Variants in CYP2U1 observed in about 807,000 individuals in gnomAD.
CYP2U1 encodes the protein cytochrome P450 2U1.
A neutral mutation model predicts 42.8 loss-of-function variants in CYP2U1; 28 were observed. That is an observed-to-expected ratio of 0.65 (90% CI 0.48 to 0.90). The LOEUF (loss-of-function observed/expected upper bound fraction) is 0.90, where lower values mean the gene tolerates loss of function less well. Ranked by LOEUF, CYP2U1 falls within the 40% of genes least tolerant of loss-of-function variation. CYP2U1 has a pLI of 0.00. For missense variants in CYP2U1, 642 were observed against 693.8 expected (o/e 0.93, Z 0.84); for synonymous variants, 296 against 278.9 (o/e 1.06, Z -0.61).
At chr4:107,938,378 C>T (rs1187394362) in intron 1 of CYP2U1, 1 of 152,222 alleles carries the variant, frequency 6.6e-6, no homozygotes, top group Non-Finnish European at 1.5e-5. Context: ...AAGTTGGTAT[C>T]ACCGCAGGAC....
chr4:107,937,896 A>C (rs1733333395), intron 1 of CYP2U1: 1 of 152,246 alleles, frequency 6.6e-6, no homozygotes, highest in Admixed American at 6.5e-5. Flanking sequence ...TTAAAGTATT[A>C]TGAGCATATT....
chr4:107,938,185 AG>A (rs1733347688), intron 1 of CYP2U1: 1 of 152,196 alleles, frequency 6.6e-6, no homozygotes. Context: ...AAGTAAGTTG[AG>A]GGACATACTG....
chr4:107,947,634 C>A, intron 3 of CYP2U1, 97 bp downstream of exon 3: 2 of 1,196,082 alleles, frequency 1.7e-6, no homozygotes, highest in Non-Finnish European at 2.4e-6. Flanking sequence ...TGTTGTCTAG[C>A]TTGATCCTTC....
At chr4:107,936,790 C>G (rs936424587) in intron 1 of CYP2U1, among the ~76,000 whole-genome samples, 1 of 152,128 alleles carries the variant, frequency 6.6e-6, no homozygotes, top group African/African-American at 2.4e-5. Flanking sequence ...TAACACATAG[C>G]TTTATTTGGT....
At chr4:107,936,954 T>A (rs1184261115) in intron 1 of CYP2U1, among the ~76,000 whole-genome samples, 1 of 152,212 alleles carries the variant, frequency 6.6e-6, no homozygotes, top group East Asian at 1.9e-4. Flanking sequence ...AAAAATTAGG[T>A]AAATTTTGCA....
Position 107,944,201 on chromosome 4 carries a change from T to C in CYP2U1, c.491-769T>C, listed in dbSNP as rs146070685. Among the ~76,000 whole-genome samples the C allele has an allele frequency of 4.1e-3, 630 of 152,336 alleles. 4 individuals carry two copies. The highest frequency in any genetic ancestry group is 0.014 in the African/African-American group (587 of 41,582). On this transcript the variant is annotated intron_variant, in intron 1 of 4. Coordinates refer to ENST00000332884, the MANE Select transcript of CYP2U1 (RefSeq NM_183075.3). ...GGTGAGCACAATGAGATATGGTCTG[T>C]GCCCTCATGTCAATCTGTTGCTATA... is the stretch of plus-strand genomic sequence containing the variant.
intron 1 of CYP2U1, 118 bp from the exon 2 acceptor site, chr4:107,944,852 T>TATATACA (rs536313224): frequency 4.0e-5 from 4 of 101,140 alleles, no homozygotes; most frequent in Non-Finnish European, 6.5e-5. Flanking sequence ...ATATATATAT[T>TATATACA]TATATGAGGA....
chr4:107,953,282 T>A lies in CYP2U1; in HGVS notation c.*2859T>A, dbSNP rs2126205337. ...GGCACTTTAAAAACATCTTTATATA[T>A]AAATTGCTAAAAGGACTGTTAATGC... On this transcript the variant is annotated 3_prime_UTR_variant, in exon 5 of 5. Coordinates refer to ENST00000332884, the MANE Select transcript of CYP2U1 (RefSeq NM_183075.3). 6.6e-6 allele frequency: 1 copy of A among 152,344 alleles called. No homozygotes were observed. The highest frequency in any genetic ancestry group is 1.9e-4 in the East Asian group (1 of 5,180). The allele number at this position is 152,344 out of a possible 1,614,324, so 9.4% of individuals were successfully genotyped here.
At position 107,933,725 on chromosome 4, in the gene CYP2U1, A is replaced by G. The variant is rs191294287; in HGVS notation, c.490+1592A>G. On this transcript the variant is annotated intron_variant, in intron 1 of 4. Transcript: ENST00000332884. ...ATGGTGTAGTATTTGCATATAGCCTATGCATATCCTCTTGGATACTTTAAA... is the reference window on the plus strand; with the variant it reads ...ATGGTGTAGTATTTGCATATAGCCTGTGCATATCCTCTTGGATACTTTAAA... 1.5e-4 allele frequency among the ~76,000 whole-genome samples: 23 copies of G among 152,344 alleles called. No homozygotes were observed. In the East Asian group the frequency reaches 3.3e-3, roughly 22 times the overall value.
Position 107,951,296 on chromosome 4 carries a change from C to T in CYP2U1, c.*873C>T, listed in dbSNP as rs1176263514. 1 of 152,116 alleles carries T rather than the reference C, an allele frequency of 6.6e-6. No individual in the cohort carries two copies. Among genetic ancestry groups the T allele is most frequent in the African/African-American group, 2.4e-5 (1 of 41,442 alleles). 9.4% of individuals were successfully genotyped at this position (152,116 alleles called of 1,614,324 possible). ...TTTTACTTAAGGCCTGAATGGTGAGCATGGGGATTTTGATACTGGGACTCA... is the reference window on the plus strand; with the variant it reads ...TTTTACTTAAGGCCTGAATGGTGAGTATGGGGATTTTGATACTGGGACTCA... On this transcript the variant is annotated 3_prime_UTR_variant, in exon 5 of 5. Transcript: ENST00000332884.
At position 107,945,183 on chromosome 4, in the gene CYP2U1, T is replaced by A; in HGVS notation, c.704T>A (p.Leu235Ter). Residue 235 changes from leucine to a stop codon, truncating the protein, a stop_gained, in exon 2 of 5, where the codon TTG becomes TAG. Transcript: ENST00000332884. LOFTEE classifies it high-confidence loss of function. ...SNAVSNIICS[L>*]CFGQRFDYTN... ...GCCGTCTCTAACATCATTTGCTCCTTGTGCTTTGGCCAGCGCTTTGATTAC... is the reference window on the plus strand; with the variant it reads ...GCCGTCTCTAACATCATTTGCTCCTAGTGCTTTGGCCAGCGCTTTGATTAC... 1 of 1,614,034 alleles carries A rather than the reference T, an allele frequency of 6.2e-7. No individual in the cohort carries two copies. Among genetic ancestry groups the A allele is most frequent in the Non-Finnish European group, 8.5e-7 (1 of 1,180,000 alleles).
rs772400670 is a variant in CYP2U1 at position 107,947,417 on chromosome 4, C to G, written c.1168C>G (p.Arg390Gly). 5.0e-6 allele frequency: 8 copies of G among 1,614,012 alleles called. No homozygotes were observed. In the African/African-American group the frequency reaches 1.1e-4, roughly 22 times the overall value. Reference protein sequence around the residue: ...EEIERVIGANRAPSLTDKAQM... With the variant: ...EEIERVIGANGAPSLTDKAQM... ...AATTGAAAGAGTCATTGGCGCCAAC[C>G]GAGCTCCTTCCCTCACAGACAAGGC... Residue 390 changes from arginine (R) to glycine (G), a missense_variant, in exon 3 of 5, where the codon CGA becomes GGA. Coordinates refer to ENST00000332884, the MANE Select transcript of CYP2U1 (RefSeq NM_183075.3).
rs778851531 is a variant in CYP2U1 at position 107,947,507 on chromosome 4, G to A, written c.1258G>A (p.Ala420Thr). The A allele has an allele frequency of 5.0e-6, 8 of 1,614,080 alleles. No individual in the cohort carries two copies. The highest frequency in any genetic ancestry group is 6.8e-6 in the Non-Finnish European group (8 of 1,180,002). The change falls in exon 3 of 5, where the codon GCC (alanine) becomes ACC (threonine). Residue 420 changes from alanine (A) to threonine (T), a missense_variant. By Grantham distance (58) the Ala-to-Thr change is moderately conservative (BLOSUM62 0). Transcript: ENST00000332884. ...GAGGCTAACTGTGGTGGTGCCGCTT[G>A]CCATTCCTCATATGACCTCAGAGAA... ...VQRLTVVVPL[A>T]IPHMTSENTV...
At chr4:107,949,716 G>A (rs987375342) in intron 4 of CYP2U1, among the ~76,000 whole-genome samples, 199 bp downstream of exon 4, 2 of 152,154 alleles carry the variant, frequency 1.3e-5, no homozygotes, top group African/African-American at 4.8e-5. Flanking sequence ...CTCTAAATGT[G>A]ACTAGAAATT....
chr4:107,934,342 TACTG>T (rs1345735971), intron 1 of CYP2U1, among the ~76,000 whole-genome samples: 1 of 152,180 alleles, frequency 6.6e-6, no homozygotes, highest in Non-Finnish European at 1.5e-5. Context: ...CCATAAGTCT[TACTG>T]ACTCCTACAG....
chr4:107,935,572 C>G (rs1733228844), intron 1 of CYP2U1: 1 of 152,022 alleles, frequency 6.6e-6, no homozygotes, highest in South Asian at 2.1e-4. Flanking sequence ...GAAAGTGTGG[C>G]TAGCAGAGGA....
chr4:107,945,283 C>T lies in CYP2U1; in HGVS notation c.804C>T (p.Leu268=), dbSNP rs1319388978. 1 of 1,614,038 alleles carries T rather than the reference C, an allele frequency of 6.2e-7. No individual in the cohort carries two copies. The highest frequency in any genetic ancestry group is 1.1e-5 in the South Asian group (1 of 91,078). The change falls in exon 2 of 5, where the codon CTC becomes CTT. Residue 268 remains leucine, a synonymous_variant. Coordinates refer to ENST00000332884, the MANE Select transcript of CYP2U1 (RefSeq NM_183075.3). ...AAATCTGTCTGAACAGTCAAGTCCT[C>T]CTGGTCAACATATGCCCTTGGCTTT... The part of the protein sequence containing the change: ...GLEICLNSQV[L]LVNICPWLYY...
At chr4:107,944,852 T>TATATATA (rs536313224) in intron 1 of CYP2U1, 118 bp from the exon 2 acceptor site, 16 of 101,046 alleles carry the variant, frequency 1.6e-4, no homozygotes, top group East Asian at 8.7e-4. Flanking sequence ...ATATATATAT[T>TATATATA]TATATGAGGA....
chr4:107,950,520 A>G lies in CYP2U1; in HGVS notation c.*97A>G. On this transcript the variant is annotated 3_prime_UTR_variant, in exon 5 of 5. Coordinates refer to ENST00000332884, the MANE Select transcript of CYP2U1 (RefSeq NM_183075.3). ...CAAAGGACAGTGAATCCAGCAACTC[A>G]GTGGATCCAAGCTGGGCTCAGAGGT... The G allele has an allele frequency of 6.9e-6, 9 of 1,295,486 alleles. No individual in the cohort carries two copies. The highest frequency in any genetic ancestry group is 9.3e-6 in the Non-Finnish European group (9 of 968,892). The allele number at this position is 1,295,486 out of a possible 1,614,324, so 80.2% of individuals were successfully genotyped here.
Sources: gnomAD v4.1 joint callset for allele counts (sites outside exome capture counted in the v4.1 genomes callset) on GRCh38, gnomAD v4.1.1 for gene constraint, MANE v1.5 for transcripts, NCBI Gene and HGNC (gene_info 2026-07-23, HGNC 2026-07-21) for gene names.